Variants in TENM1 observed in about 807,000 individuals in gnomAD.
TENM1 encodes teneurin transmembrane protein 1.
In TENM1, 35 loss-of-function variants were observed where a neutral mutation model predicts 174.8. The ratio of observed to expected loss-of-function variants is 0.20; its 90% CI spans 0.15 to 0.27. The LOEUF (loss-of-function observed/expected upper bound fraction) is 0.27. TENM1 is among the 10% of genes least tolerant of loss of function. TENM1 has a pLI of 1.00. For synonymous variants in TENM1, 781 were observed against 798.7 expected (o/e 0.98, Z 0.37); for missense variants, 1,633 against 2,130.1 (o/e 0.77, Z 4.59).
chrX:124,553,354 G>A (rs1289890254), intron 14 of TENM1, among the ~76,000 whole-genome samples: 1 of 108,860 alleles, frequency 9.2e-6, no homozygotes. Flanking sequence ...ACAATAATTA[G>A]CCGGGCGTGG....
chrX:124,886,548 T>TATATATATATATAG (rs1187597592), intron 3 of TENM1, among the ~76,000 whole-genome samples: 3 of 59,993 alleles, frequency 5.0e-5, no homozygotes, highest in Non-Finnish European at 8.9e-5. Flanking sequence ...TATATATATA[T>TATATATATATATAG]AGAGAGAGAG....
At chrX:125,071,786 G>GTTA in the TENM1 span, among the ~76,000 whole-genome samples, 27 of 111,102 alleles carry the variant, frequency 2.4e-4, no homozygotes, top group East Asian at 7.4e-3. Context: ...ACACATATTA[G>GTTA]TTATTATTAT....
At chrX:124,700,493 A>T (rs1361074439) in intron 5 of TENM1, among the ~76,000 whole-genome samples, 1 of 111,899 alleles carries the variant, frequency 8.9e-6, no homozygotes, top group Non-Finnish European at 1.9e-5. Flanking sequence ...TCATTTAATT[A>T]TAAAGACAAT....
At chrX:125,102,453 A>G in the TENM1 span, among the ~76,000 whole-genome samples, 7 of 111,507 alleles carry the variant, frequency 6.3e-5, no homozygotes, top group Non-Finnish European at 1.3e-4. Flanking sequence ...CATAAGAACA[A>G]TTCAGCAGTA....
the TENM1 span, among the ~76,000 whole-genome samples, chrX:124,992,889 G>T: frequency 9.0e-6 from 1 of 110,828 alleles, no homozygotes; most frequent in African/African-American, 3.3e-5. Flanking sequence ...AAATACATTT[G>T]TATGCATTTT....
In TENM1 at chrX:124,520,504, T is replaced by C. The variant is rs964641490; in HGVS notation, c.3301+13A>G. ...TGTAATACTGCTATTTACATATAAT[T>C]AGTTCAACATACCCAAAGCCTCTGC... is the stretch of plus-strand genomic sequence containing the variant. On this transcript the variant is annotated intron_variant, in intron 18 of 31. Transcript: ENST00000422452. The C allele has an allele frequency of 5.0e-6, 6 of 1,189,726 alleles. No individual in the cohort carries two copies. The highest frequency in any genetic ancestry group is 6.8e-6 in the Non-Finnish European group (6 of 879,471).
chrX:125,134,280 G>T, the TENM1 span, among the ~76,000 whole-genome samples: 1 of 111,977 alleles, frequency 8.9e-6, no homozygotes, highest in Non-Finnish European at 1.9e-5. Context: ...CAAGAGAAAG[G>T]CTGTTTAAAA....
the TENM1 span, among the ~76,000 whole-genome samples, chrX:125,015,659 T>TA: frequency 1.8e-5 from 2 of 110,565 alleles, no homozygotes; most frequent in Non-Finnish European, 3.8e-5. Context: ...GAACATAGCC[T>TA]AAAAAAAATT....
intron 3 of TENM1, among the ~76,000 whole-genome samples, chrX:124,774,440 C>A (rs1210790662): frequency 1.8e-5 from 2 of 110,594 alleles, no homozygotes; most frequent in African/African-American, 6.6e-5. Context: ...AATAAACATT[C>A]TAGAAAAAGA....
chrX:124,685,042 T>A (rs899703670), intron 5 of TENM1, among the ~76,000 whole-genome samples: 3 of 110,384 alleles, frequency 2.7e-5, no homozygotes, highest in Non-Finnish European at 5.7e-5. Flanking sequence ...CTTCTCCTGG[T>A]GAAGCCAGTC....
At chrX:124,403,653 C>A (rs2060427182) in intron 27 of TENM1, among the ~76,000 whole-genome samples, 1 of 111,485 alleles carries the variant, frequency 9.0e-6, no homozygotes, top group Non-Finnish European at 1.9e-5. Flanking sequence ...CTTCCACAAC[C>A]TTAAGGTTAC....
At chrX:125,077,416 G>A in the TENM1 span, among the ~76,000 whole-genome samples, 1 of 111,160 alleles carries the variant, frequency 9.0e-6, no homozygotes, top group African/African-American at 3.3e-5. Flanking sequence ...TTATATGAAT[G>A]TAATTATTTG....
chrX:124,985,181 A>C, the TENM1 span, among the ~76,000 whole-genome samples: 2 of 112,249 alleles, frequency 1.8e-5, no homozygotes, highest in Non-Finnish European at 3.8e-5. Flanking sequence ...GACCCTGCTT[A>C]ACAGCACAAA....
chrX:125,196,021 G>C, the TENM1 span, among the ~76,000 whole-genome samples: 3 of 104,420 alleles, frequency 2.9e-5, no homozygotes, highest in Admixed American at 1.0e-4. Flanking sequence ...AACGAAGGAA[G>C]GAAGGAAGGA....
chrX:124,753,001 T>A (rs1359352646), intron 3 of TENM1, among the ~76,000 whole-genome samples: 2 of 109,912 alleles, frequency 1.8e-5, no homozygotes, highest in African/African-American at 6.6e-5. Flanking sequence ...CATATGAACG[T>A]TAGTTTTTTC....
chrX:124,584,154 G>A (rs2049418439), intron 11 of TENM1, among the ~76,000 whole-genome samples: 1 of 110,007 alleles, frequency 9.1e-6, no homozygotes, highest in Admixed American at 9.7e-5. Flanking sequence ...AGCAAGGCAG[G>A]CCAACATTCA....
the TENM1 span, among the ~76,000 whole-genome samples, chrX:125,133,837 T>G: frequency 8.9e-6 from 1 of 111,745 alleles, no homozygotes; most frequent in Non-Finnish European, 1.9e-5. Context: ...ACGGGCTGAT[T>G]TCATACTTAC....
the TENM1 span, among the ~76,000 whole-genome samples, chrX:125,159,101 A>C: frequency 1.8e-5 from 2 of 111,809 alleles, no homozygotes; most frequent in Non-Finnish European, 3.8e-5. Flanking sequence ...AGTCCAGTCA[A>C]AAAAGAAATT....
At chrX:124,633,260 T>TA (rs2050802328) in intron 11 of TENM1, among the ~76,000 whole-genome samples, 1 of 112,320 alleles carries the variant, frequency 8.9e-6, no homozygotes, top group African/African-American at 3.2e-5. Context: ...TACTGTACTG[T>TA]ACTTTATGTA....
Sources: gnomAD v4.1 joint callset for allele counts (sites outside exome capture counted in the v4.1 genomes callset) on GRCh38, gnomAD v4.1.1 for gene constraint, MANE v1.5 for transcripts, NCBI Gene and HGNC (gene_info 2026-07-23, HGNC 2026-07-21) for gene names.